Variants in ASB3 observed in about 807,000 individuals in gnomAD.
ASB3 encodes the protein ankyrin repeat and SOCS box containing 3, also known as ankyrin repeat and SOCS box protein 3.
In ASB3, 41 loss-of-function variants were observed where a neutral mutation model predicts 54.5. The ratio of observed to expected loss-of-function variants is 0.75; its 90% CI spans 0.59 to 0.98. The LOEUF (loss-of-function observed/expected upper bound fraction) is 0.98. ASB3 is among the 50% of genes least tolerant of loss of function. The pLI, the probability that ASB3 is intolerant of heterozygous loss-of-function variation, is 0.00. For missense variants in ASB3, 733 were observed against 620.0 expected, an observed-to-expected ratio of 1.18 and a Z score of -1.94; for synonymous variants, 266 against 221.2, an observed-to-expected ratio of 1.20 and a Z score of -1.80.
chr2:53,721,845 G>C lies in ASB3; in HGVS notation c.605-5102C>G, dbSNP rs560051644. On this transcript the variant is annotated intron_variant, in intron 5 of 9. Coordinates refer to ENST00000263634, the MANE Select transcript of ASB3 (RefSeq NM_016115.5). ...AGAAGAAAAAAAATAATTAAAATCA[G>C]AGTGGAACTGAATGAAATTGAGACC... Among the ~76,000 whole-genome samples, 8 of 152,094 alleles carry C rather than the reference G, an allele frequency of 5.3e-5. No homozygotes were observed. In the South Asian group the frequency reaches 1.7e-3, roughly 32 times the overall value.
At chr2:53,774,322 T>G (rs772004181) in intron 1 of ASB3, 29 of 1,613,772 alleles carry the variant, frequency 1.8e-5, no homozygotes, top group Non-Finnish European at 2.4e-5. Context: ...TAATCCTGAT[T>G]ATCTTGGTCC....
chr2:53,716,502 C>G, intron 6 of ASB3, 64 bp downstream of exon 6: 1 of 1,564,608 alleles, frequency 6.4e-7, no homozygotes, highest in Non-Finnish European at 8.7e-7. Flanking sequence ...GGGTCTAGCC[C>G]AGATTTATTC....
intron 3 of ASB3, among the ~76,000 whole-genome samples, chr2:53,745,733 G>GTA (rs908467577): frequency 2.8e-4 from 43 of 152,304 alleles, no homozygotes; most frequent in Admixed American, 7.8e-4. Flanking sequence ...ATGTAATAGA[G>GTA]TATAGCTTCC....
chr2:53,704,357 C>G (rs1337965455), intron 7 of ASB3, among the ~76,000 whole-genome samples: 1 of 95,188 alleles, frequency 1.1e-5, no homozygotes. Flanking sequence ...GAGAGACTGT[C>G]TCAAAAAAAA....
chr2:53,707,454 C>G (rs564029244), intron 7 of ASB3, among the ~76,000 whole-genome samples: 2 of 151,850 alleles, frequency 1.3e-5, no homozygotes, highest in Admixed American at 1.3e-4. Flanking sequence ...ACCATCCTAG[C>G]TAACATGGTG....
At chr2:53,681,262 A>C (rs1668356800) in intron 9 of ASB3, among the ~76,000 whole-genome samples, 1 of 152,150 alleles carries the variant, frequency 6.6e-6, no homozygotes, top group African/African-American at 2.4e-5. Flanking sequence ...ATTATATGGT[A>C]GGTCTATTTT....
At chr2:53,766,357 C>T (rs1006769489) in intron 1 of ASB3, among the ~76,000 whole-genome samples, 41 of 152,186 alleles carry the variant, frequency 2.7e-4, no homozygotes, top group Admixed American at 6.5e-4. Flanking sequence ...CTCGAAGACA[C>T]AATTTCTTGT....
chr2:53,785,733 G>A (rs997706046), intron 1 of ASB3, among the ~76,000 whole-genome samples: 13 of 152,116 alleles, frequency 8.5e-5, no homozygotes, highest in African/African-American at 3.1e-4. Context: ...CCAACTACTC[G>A]GAAGGCTGAG....
chr2:53,701,877 G>A (rs1352664789), intron 7 of ASB3, among the ~76,000 whole-genome samples: 1 of 152,054 alleles, frequency 6.6e-6, no homozygotes, highest in Non-Finnish European at 1.5e-5. Flanking sequence ...TTAAATATAA[G>A]TTCTATCCTA....
At chr2:53,722,890 A>T (rs988351811) in intron 5 of ASB3, among the ~76,000 whole-genome samples, 2 of 152,208 alleles carry the variant, frequency 1.3e-5, no homozygotes, top group Non-Finnish European at 2.9e-5. Flanking sequence ...GGAAAAGAAG[A>T]AGTCAAACAA....
chr2:53,767,732 T>G, intron 1 of ASB3: 1 of 841,836 alleles, frequency 1.2e-6, no homozygotes, highest in Non-Finnish European at 1.8e-6. Context: ...TCGGAAAATC[T>G]TTCTGGATCT....
intron 9 of ASB3, among the ~76,000 whole-genome samples, chr2:53,691,203 G>A (rs187432069): frequency 2.0e-5 from 3 of 152,270 alleles, no homozygotes; most frequent in South Asian, 2.1e-4. Context: ...CAAGAAATGC[G>A]TTGTTACTTT....
intron 2 of ASB3, among the ~76,000 whole-genome samples, chr2:53,763,786 T>C (rs1469515949): frequency 6.6e-6 from 1 of 152,262 alleles, no homozygotes; most frequent in Non-Finnish European, 1.5e-5. Context: ...CTCATGTCTT[T>C]GTTACTAAAA....
intron 1 of ASB3, among the ~76,000 whole-genome samples, chr2:53,772,683 C>T (rs2104159985): frequency 6.6e-6 from 1 of 151,614 alleles, no homozygotes; most frequent in South Asian, 2.1e-4. Flanking sequence ...GTATCAATAG[C>T]ACCTGTGTGT....
At chr2:53,711,655 TCCCA>T (rs1670103779) in intron 7 of ASB3, among the ~76,000 whole-genome samples, 1 of 152,034 alleles carries the variant, frequency 6.6e-6, no homozygotes, top group Admixed American at 6.5e-5. Flanking sequence ...ATGCCTACAA[TCCCA>T]GCTACTTGGG....
chr2:53,712,800 A>G (rs1011962685), intron 7 of ASB3, among the ~76,000 whole-genome samples: 2 of 152,294 alleles, frequency 1.3e-5, no homozygotes, highest in East Asian at 3.9e-4. Flanking sequence ...CAAAATCATT[A>G]TATTCTGGTC....
At chr2:53,674,930 T>C (rs1444199466) in intron 9 of ASB3, among the ~76,000 whole-genome samples, 1 of 152,096 alleles carries the variant, frequency 6.6e-6, no homozygotes, top group African/African-American at 2.4e-5. Context: ...TATAAAGGAA[T>C]GACCAGTAGA....
intron 9 of ASB3, among the ~76,000 whole-genome samples, chr2:53,671,613 G>C (rs1263595047): frequency 6.6e-6 from 1 of 151,934 alleles, no homozygotes; most frequent in Non-Finnish European, 1.5e-5. Flanking sequence ...TACAAAATTA[G>C]CTTGGCGTGG....
At chr2:53,740,352 C>T (rs1193935203) in intron 3 of ASB3, among the ~76,000 whole-genome samples, 1 of 152,170 alleles carries the variant, frequency 6.6e-6, no homozygotes, top group Non-Finnish European at 1.5e-5. Context: ...TTTCTCTGGT[C>T]CTGTGTTCAT....
Sources: gnomAD v4.1 joint callset for allele counts (sites outside exome capture counted in the v4.1 genomes callset) on GRCh38, gnomAD v4.1.1 for gene constraint, MANE v1.5 for transcripts, NCBI Gene and HGNC (gene_info 2026-07-23, HGNC 2026-07-21) for gene names.